PXK: variants seen among roughly 807,000 people sequenced by gnomAD.
PXK encodes the protein PX domain containing serine/threonine kinase like.
In PXK, 35 loss-of-function variants were observed where a neutral mutation model predicts 84.7. That is an observed-to-expected ratio of 0.41 (90% CI 0.32 to 0.55). PXK has a LOEUF of 0.55. Among genes scored for constraint, PXK ranks in the 20% least tolerant of loss-of-function variants. PXK has a pLI of 0.21. For missense variants in PXK, 634 were observed against 699.7 expected, an observed-to-expected ratio of 0.91 and a Z score of 1.06; for synonymous variants, 253 against 260.8, an observed-to-expected ratio of 0.97 and a Z score of 0.29.
rs1576889546 is a variant in PXK, at chr3:58,421,997, T to G, written c.1529-2755T>G. 1.0e-6 allele frequency: 1 copy of G among 985,258 alleles called. No homozygotes were observed. The highest frequency in any genetic ancestry group is 4.7e-5 in the South Asian group (1 of 21,280). The allele number at this position is 985,258 out of a possible 1,614,324, so 61.0% of individuals were successfully genotyped here. On this transcript the variant is annotated intron_variant, in intron 17 of 17. Coordinates refer to ENST00000356151, the MANE Select transcript of PXK (RefSeq NM_017771.5). This position sits in a 1 kb window ranked among gnomAD's most constrained non-coding sequence, Gnocchi z 5.5. The stretch of plus-strand genomic sequence containing the variant: ...GAAGGCCTCATTCACATCTGAGGGG[T>G]GGAGAGCGCGCAGGCAGCAGGCAGT...
In PXK at chr3:58,406,065, G is replaced by A. The variant is rs531265936; in HGVS notation, c.1230+2155G>A. 1.9e-3 allele frequency among the ~76,000 whole-genome samples: 259 copies of A among 139,662 alleles called. 1 individual carries two copies. Among genetic ancestry groups the A allele is most frequent in the Non-Finnish European group, 2.3e-3 (143 of 60,962 alleles). 91.6% of individuals were successfully genotyped at this position (139,662 alleles called of 152,430 possible). A position where few individuals can be genotyped will look rare whatever the true frequency, so the allele number is the denominator to read the frequency against. ...GCTCACTGCAACCTCCGCCTCCTGG[G>A]TTCAAGCAATTCTGCTTCAGCCTCC... On this transcript the variant is annotated intron_variant, in intron 13 of 17. Transcript: ENST00000356151.
intron 16 of PXK, 144 bp downstream of exon 16, chr3:58,410,303 A>T: frequency 1.7e-6 from 1 of 580,852 alleles, no homozygotes; most frequent in Non-Finnish European, 3.1e-6. Flanking sequence ...CTCCGTCTCT[A>T]ATGAAAGATT....
intron 17 of PXK, 123 bp from the exon 18 acceptor site, chr3:58,424,618 AGTACTAGGTAT>A (rs2062548976): frequency 5.8e-6 from 7 of 1,205,196 alleles, no homozygotes; most frequent in Middle Eastern, 2.9e-4. Context: ...GAACTCATAC[AGTACTAGGTAT>A]GTTGGTCCCT....
At chr3:58,404,041 A>T (rs1004761850) in intron 13 of PXK, 131 bp downstream of exon 13, 10 of 473,838 alleles carry the variant, frequency 2.1e-5, no homozygotes, top group Non-Finnish European at 3.6e-5. Context: ...ATGTCCTACA[A>T]TTAGGGGCTA....
intron 1 of PXK, among the ~76,000 whole-genome samples, chr3:58,343,266 A>G (rs1452514908): frequency 6.6e-6 from 1 of 152,224 alleles, no homozygotes; most frequent in African/African-American, 2.4e-5. Context: ...TCTTGCCAGA[A>G]GTAGAGGGAA....
intron 13 of PXK, among the ~76,000 whole-genome samples, chr3:58,404,286 G>A (rs758812390): frequency 3.3e-5 from 5 of 152,150 alleles, no homozygotes; most frequent in Non-Finnish European, 5.9e-5. Context: ...AAACCAGAAT[G>A]ATATCTTACT....
At chr3:58,418,615 G>GCCGT (rs2061350030) in intron 17 of PXK, among the ~76,000 whole-genome samples, 2 of 151,654 alleles carry the variant, frequency 1.3e-5, no homozygotes, top group African/African-American at 4.8e-5. Flanking sequence ...GTTCTTTGAG[G>GCCGT]CTTTTAAAAG....
chr3:58,378,826 G>C (rs185524839), intron 3 of PXK, among the ~76,000 whole-genome samples: 1 of 151,796 alleles, frequency 6.6e-6, no homozygotes, highest in Admixed American at 6.6e-5. Flanking sequence ...GTGAGCCACC[G>C]CGCCCAGCCG....
rs910668321 is a variant in PXK at position 58,421,039 on chromosome 3, A to C, written c.1529-3713A>C. 1.0e-6 allele frequency: 1 copy of C among 1,002,734 alleles called. No individual in the cohort carries two copies. Among genetic ancestry groups the C allele is most frequent in the Admixed American group, 5.7e-5 (1 of 17,600 alleles). The allele number at this position is 1,002,734 out of a possible 1,614,324, so 62.1% of individuals were successfully genotyped here. ...AACAGTTCTTTTGTAAGCATCCTTT[A>C]TAATTCTCGAGCTGTGACAGGAGTA... is the stretch of plus-strand genomic sequence containing the variant. On this transcript the variant is annotated intron_variant, in intron 17 of 17. Transcript: ENST00000356151. This position sits in a 1 kb window ranked among gnomAD's most constrained non-coding sequence, Gnocchi z 5.5.
chr3:58,374,393 C>T (rs931340561), intron 3 of PXK, among the ~76,000 whole-genome samples: 2 of 152,028 alleles, frequency 1.3e-5, no homozygotes, highest in South Asian at 2.1e-4. Context: ...AGGTTGGTCT[C>T]GAACTCCTGA....
rs2059589370 is a variant in PXK, at chr3:58,407,609, G to A, written c.1231-1315G>A. On this transcript the variant is annotated intron_variant, in intron 13 of 17. Coordinates refer to ENST00000356151, the MANE Select transcript of PXK (RefSeq NM_017771.5). This position sits in a 1 kb window ranked among gnomAD's most constrained non-coding sequence, Gnocchi z 4.3. ...AGGGGCTCGTTCTGTTGCTTAGGCT[G>A]GAGTGCAGCAGCACAATCTCAGCTC... Among the ~76,000 whole-genome samples the A allele has an allele frequency of 6.6e-6, 1 of 151,568 alleles. No individual in the cohort carries two copies. The highest frequency in any genetic ancestry group is 2.4e-5 in the African/African-American group (1 of 41,204).
rs1377306289 is a variant in PXK, at chr3:58,412,002, G to A, written c.1466-899G>A. Among the ~76,000 whole-genome samples the A allele has an allele frequency of 2.0e-5, 3 of 152,188 alleles. No homozygotes were observed. The highest frequency in any genetic ancestry group is 4.4e-5 in the Non-Finnish European group (3 of 68,042). On this transcript the variant is annotated intron_variant, in intron 16 of 17. Coordinates refer to ENST00000356151, the MANE Select transcript of PXK (RefSeq NM_017771.5). The surrounding 1 kb of genome is among the most constrained non-coding windows in gnomAD (Gnocchi z 6.2). ...ACATGTCCTGTGGGTAGTGAGGGAAGTGATGGCTGGGGCCTTAACCACACC... is the reference window on the plus strand; with the variant it reads ...ACATGTCCTGTGGGTAGTGAGGGAAATGATGGCTGGGGCCTTAACCACACC...
In PXK at chr3:58,416,804, A is replaced by T. The variant is rs955463779; in HGVS notation, c.1528+3841A>T. On this transcript the variant is annotated intron_variant, in intron 17 of 17. Coordinates refer to ENST00000356151, the MANE Select transcript of PXK (RefSeq NM_017771.5). This position sits in a 1 kb window ranked among gnomAD's most constrained non-coding sequence, Gnocchi z 4.8. The stretch of plus-strand genomic sequence containing the variant: ...CTTGGCTAATATTTTTGTATTTTTG[A>T]TAGAGATGGGGTTTCACTACGTTGG... 1.1e-4 allele frequency among the ~76,000 whole-genome samples: 17 copies of T among 151,896 alleles called. No homozygotes were observed. The highest frequency in any genetic ancestry group is 3.9e-4 in the African/African-American group (16 of 41,336).
In PXK at chr3:58,411,442, T is replaced by C. The variant is rs1380703627; in HGVS notation, c.1465+1283T>C. On this transcript the variant is annotated intron_variant, in intron 16 of 17. Coordinates refer to ENST00000356151, the MANE Select transcript of PXK (RefSeq NM_017771.5). The surrounding 1 kb of genome is among the most constrained non-coding windows in gnomAD (Gnocchi z 4.2). Reference sequence around the variant, plus strand: ...GCGCAGGCTCCTTGGGGGTGAATGCTGTTGTGGCTGGTGGGTAGTTTCAGT... The same window carrying C: ...GCGCAGGCTCCTTGGGGGTGAATGCCGTTGTGGCTGGTGGGTAGTTTCAGT... Among the ~76,000 whole-genome samples the C allele has an allele frequency of 2.6e-5, 4 of 152,200 alleles. No individual in the cohort carries two copies. Among genetic ancestry groups the C allele is most frequent in the Non-Finnish European group, 2.9e-5 (2 of 68,030 alleles).
chr3:58,371,197 C>T (rs1047780199), intron 3 of PXK, among the ~76,000 whole-genome samples: 1 of 152,122 alleles, frequency 6.6e-6, no homozygotes, highest in African/African-American at 2.4e-5. Flanking sequence ...TTTAGTATGA[C>T]CCATTTGAGT....
Position 58,411,764 on chromosome 3 carries a change from A to G in PXK, c.1466-1137A>G, listed in dbSNP as rs1328896353. Reference sequence around the variant, plus strand: ...ACAGATAATTCCCAAACTTTACTGGAGTCAAGCAGTGAAGCTTCTCCCCAT... The same window carrying G: ...ACAGATAATTCCCAAACTTTACTGGGGTCAAGCAGTGAAGCTTCTCCCCAT... On this transcript the variant is annotated intron_variant, in intron 16 of 17. Coordinates refer to ENST00000356151, the MANE Select transcript of PXK (RefSeq NM_017771.5). The surrounding 1 kb of genome is among the most constrained non-coding windows in gnomAD (Gnocchi z 4.2). Among the ~76,000 whole-genome samples the G allele has an allele frequency of 6.6e-6, 1 of 152,150 alleles. No homozygotes were observed. Among genetic ancestry groups the G allele is most frequent in the Non-Finnish European group, 1.5e-5 (1 of 68,028 alleles).
intron 1 of PXK, among the ~76,000 whole-genome samples, chr3:58,358,109 A>G (rs1169081526): frequency 6.6e-6 from 1 of 152,258 alleles, no homozygotes. Context: ...GAATCAAGCC[A>G]ATGAACATAT....
At chr3:58,357,806 C>T (rs2098117169) in intron 1 of PXK, among the ~76,000 whole-genome samples, 1 of 152,004 alleles carries the variant, frequency 6.6e-6, no homozygotes, top group Admixed American at 6.6e-5. Context: ...AAAAATTAGC[C>T]TGGCTTGGTG....
At chr3:58,350,071 C>A (rs1001781537) in intron 1 of PXK, among the ~76,000 whole-genome samples, 1 of 152,116 alleles carries the variant, frequency 6.6e-6, no homozygotes, top group African/African-American at 2.4e-5. Context: ...TGTGGAGGAC[C>A]CTGTTCCGTT....
Sources: allele counts gnomAD v4.1 joint callset (sites outside exome capture counted in the v4.1 genomes callset), GRCh38; gene constraint gnomAD v4.1.1; non-coding constraint Gnocchi (gnomAD v3.1); transcripts MANE v1.5; gene names NCBI Gene and HGNC (gene_info 2026-07-23, HGNC 2026-07-21).